The following WFDC11 variants were observed in gnomAD, a reference collection of about 807,000 sequenced individuals.
The protein encoded by WFDC11 is protein WFDC11.
In WFDC11, 9 loss-of-function variants were observed where a neutral mutation model predicts 9.9. That is an observed-to-expected ratio of 0.91 (90% CI 0.55 to 1.58). WFDC11 has a LOEUF of 1.58. Among genes scored for constraint, WFDC11 ranks in the 40% most tolerant of loss-of-function variants. The probability of loss-of-function intolerance (pLI) is 0.00; values close to 1 mark genes in which losing one functional copy is unlikely to be tolerated. For synonymous variants in WFDC11, 32 were observed against 33.3 expected (o/e 0.96, Z 0.13); for missense variants, 106 against 101.7 (o/e 1.04, Z -0.18).
chr20:45,655,460 A>G lies in WFDC11; in HGVS notation c.-51-4809T>C, dbSNP rs1353257958. On this transcript the variant is annotated intron_variant, in intron 2 of 4. Coordinates refer to ENST00000324384, the MANE Select transcript of WFDC11 (RefSeq NM_147197.2). The stretch of plus-strand genomic sequence containing the variant: ...AAATAATAAGAGCTATCTATGACAA[A>G]TGCACAGCCAATATCATACTGAAGG... Among the ~76,000 whole-genome samples the G allele has an allele frequency of 2.0e-5, 3 of 152,214 alleles. No homozygotes were observed. The East Asian group carries it at 5.8e-4, about 29-fold the overall frequency.
At chr20:45,650,251 G>T (rs11700198) in intron 3 of WFDC11, among the ~76,000 whole-genome samples, 88,739 of 150,010 alleles carry the variant, frequency 0.59, 26,295 homozygotes, top group East Asian at 0.8. Context: ...TATATATAGA[G>T]AGAGAGAGAG....
chr20:45,665,913 A>C (rs1983178822), intron 2 of WFDC11, among the ~76,000 whole-genome samples: 1 of 152,216 alleles, frequency 6.6e-6, no homozygotes, highest in African/African-American at 2.4e-5. Context: ...GTCTGTTCTC[A>C]GAGCTCAAAC....
chr20:45,664,050 T>C (rs61646973), intron 2 of WFDC11, among the ~76,000 whole-genome samples: 1,561 of 152,298 alleles, frequency 0.01, 26 homozygotes, highest in African/African-American at 0.035. Context: ...TATTATTGTG[T>C]GGGAGTCTAA....
At chr20:45,660,326 G>A (rs1983028329) in intron 2 of WFDC11, among the ~76,000 whole-genome samples, 1 of 152,112 alleles carries the variant, frequency 6.6e-6, no homozygotes, top group South Asian at 2.1e-4. Context: ...GCATGGTTTT[G>A]TAGCTGTTTT....
At chr20:45,652,320 C>G (rs375747656) in intron 2 of WFDC11, among the ~76,000 whole-genome samples, 1 of 152,208 alleles carries the variant, frequency 6.6e-6, no homozygotes, top group Admixed American at 6.5e-5. Context: ...CCCAGGCAAA[C>G]AGGGTCTGGA....
chr20:45,651,826 G>A (rs1409183245), intron 2 of WFDC11, among the ~76,000 whole-genome samples: 2 of 152,214 alleles, frequency 1.3e-5, no homozygotes, highest in African/African-American at 4.8e-5. Flanking sequence ...TGACCACGGA[G>A]CCTCACACAT....
chr20:45,665,029 C>T (rs185309623), intron 2 of WFDC11, among the ~76,000 whole-genome samples: 1 of 152,208 alleles, frequency 6.6e-6, no homozygotes. Context: ...TGGTTCCATT[C>T]TTCTCATCAC....
intron 2 of WFDC11, among the ~76,000 whole-genome samples, chr20:45,652,948 T>A (rs200487261): frequency 2.0e-5 from 3 of 152,246 alleles, no homozygotes; most frequent in South Asian, 2.1e-4. Context: ...GACCAAATCT[T>A]CGTCTGATTG....
intron 2 of WFDC11, among the ~76,000 whole-genome samples, chr20:45,663,393 T>C (rs986036958): frequency 6.6e-6 from 1 of 152,196 alleles, no homozygotes; most frequent in African/African-American, 2.4e-5. Flanking sequence ...GATTTATTGA[T>C]TTCTTGAAGT....
chr20:45,664,620 C>CA, intron 2 of WFDC11, among the ~76,000 whole-genome samples: 1 of 152,290 alleles, frequency 6.6e-6, no homozygotes, highest in South Asian at 2.1e-4. Context: ...CTGGTGGTGA[C>CA]AAAATCTCTC....
chr20:45,668,519 A>AT (rs969996210), intron 1 of WFDC11, among the ~76,000 whole-genome samples: 1 of 152,046 alleles, frequency 6.6e-6, no homozygotes, highest in Non-Finnish European at 1.5e-5. Flanking sequence ...TCAAGATGTC[A>AT]TTTTTTGCTC....
chr20:45,651,458 T>A (rs973311362), intron 2 of WFDC11, among the ~76,000 whole-genome samples: 4 of 152,178 alleles, frequency 2.6e-5, no homozygotes, highest in African/African-American at 9.7e-5. Context: ...TATTTATTCA[T>A]TTTCATGAAA....
chr20:45,650,439 T>A, intron 3 of WFDC11, 62 bp downstream of exon 3: 1 of 1,371,930 alleles, frequency 7.3e-7, no homozygotes, highest in South Asian at 1.2e-5. Context: ...TGAAACCCCC[T>A]CCCTTGTTCA....
intron 1 of WFDC11, 32 bp downstream of exon 1, chr20:45,670,146 A>G (rs1983267771): frequency 6.7e-6 from 1 of 149,968 alleles, no homozygotes; most frequent in Non-Finnish European, 1.5e-5. Context: ...AACAAGTACC[A>G]AAATTTAATC....
intron 1 of WFDC11, among the ~76,000 whole-genome samples, chr20:45,667,940 A>G (rs1206395336): frequency 4.4e-4 from 67 of 152,356 alleles, no homozygotes; most frequent in Non-Finnish European, 1.0e-4. Flanking sequence ...AATATTTAAC[A>G]TGTATTAACC....
At chr20:45,650,238 G>GTATA (rs373093139) in intron 3 of WFDC11, among the ~76,000 whole-genome samples, 3,692 of 149,978 alleles carry the variant, frequency 0.025, 159 homozygotes, top group African/African-American at 0.087. Flanking sequence ...ACATGTGTTT[G>GTATA]TATATATATA....
rs13040555 is a variant in WFDC11 at position 45,650,247 on chromosome 20, T to G, written c.100+254A>C. Among the ~76,000 whole-genome samples the G allele has an allele frequency of 1.7e-3, 260 of 148,928 alleles. 1 individual carries two copies. The highest frequency in any genetic ancestry group is 6.2e-3 in the South Asian group (29 of 4,672). The stretch of plus-strand genomic sequence containing the variant: ...ACACACACATGTGTTTGTATATATA[T>G]AGAGAGAGAGAGAGAGAGACAGAGA... On this transcript the variant is annotated intron_variant, in intron 3 of 4. Transcript: ENST00000324384.
intron 2 of WFDC11, among the ~76,000 whole-genome samples, chr20:45,656,714 T>C (rs749990043): frequency 6.6e-6 from 1 of 152,102 alleles, no homozygotes; most frequent in Non-Finnish European, 1.5e-5. Flanking sequence ...ATCCAGAATC[T>C]ACAAAGAACT....
chr20:45,658,503 G>C (rs947311315), intron 2 of WFDC11, among the ~76,000 whole-genome samples: 3 of 152,072 alleles, frequency 2.0e-5, no homozygotes, highest in African/African-American at 7.2e-5. Flanking sequence ...GGTGTTCATA[G>C]TAGCGTTACA....
Sources: allele counts gnomAD v4.1 joint callset (sites outside exome capture counted in the v4.1 genomes callset), GRCh38; gene constraint gnomAD v4.1.1; transcripts MANE v1.5; gene names NCBI Gene and HGNC (gene_info 2026-07-23, HGNC 2026-07-21).